The following ASF1A variants were observed in gnomAD, a reference collection of about 807,000 sequenced individuals.
ASF1A encodes the protein histone chaperone ASF1A.
Under a neutral mutation model 22.0 loss-of-function variants are expected in ASF1A, and 5 were observed. The observed-to-expected ratio is 0.23, with a 90% CI of 0.12 to 0.48. The LOEUF (loss-of-function observed/expected upper bound fraction) is 0.48, where lower values mean the gene tolerates loss of function less well. Ranked by LOEUF, ASF1A falls within the 20% of genes least tolerant of loss-of-function variation. ASF1A has a pLI of 0.99. For missense variants in ASF1A, 137 were observed against 240.6 expected (o/e 0.57, Z 2.85); for synonymous variants, 97 against 86.7 (o/e 1.12, Z -0.66).
At chr6:118,895,331 G>A (rs1779318950) in intron 1 of ASF1A, among the ~76,000 whole-genome samples, 1 of 152,168 alleles carries the variant, frequency 6.6e-6, no homozygotes, top group Non-Finnish European at 1.5e-5. Context: ...TTCCCCTAAT[G>A]ACGAAAAGCT....
chr6:118,905,722 G>A lies in ASF1A; in HGVS notation c.296G>A (p.Cys99Tyr). The A allele has an allele frequency of 6.2e-7, 1 of 1,613,682 alleles. No homozygotes were observed. The highest frequency in any genetic ancestry group is 8.5e-7 in the Non-Finnish European group (1 of 1,179,710). Residue 99 changes from cysteine to tyrosine, a missense_variant, in exon 3 of 4, where the codon TGT becomes TAT. By Grantham distance (194) the Cys-to-Tyr change is radical (BLOSUM62 -2). Transcript: ENST00000229595. ...AVGVTVVLITCTYRGQEFIRV... is the reference protein window; with the variant it reads ...AVGVTVVLITYTYRGQEFIRV... ...GGCGTAACTGTTGTGCTAATTACTT[G>A]TACCTATCGAGGACAAGAATTTATT...
intron 2 of ASF1A, among the ~76,000 whole-genome samples, chr6:118,903,188 T>C (rs1171361733): frequency 1.3e-5 from 2 of 152,218 alleles, no homozygotes; most frequent in Non-Finnish European, 2.9e-5. Context: ...AGAGTTCTCA[T>C]AGCAGTACTG....
chr6:118,905,234 TATA>T (rs1349523478), intron 2 of ASF1A, among the ~76,000 whole-genome samples: 1 of 152,224 alleles, frequency 6.6e-6, no homozygotes. Context: ...GGGAAACTGG[TATA>T]ATAAACATTT....
intron 1 of ASF1A, among the ~76,000 whole-genome samples, chr6:118,899,475 CTT>C (rs1779660298): frequency 1.3e-5 from 2 of 152,138 alleles, no homozygotes; most frequent in Non-Finnish European, 2.9e-5. Context: ...TGGCGAGATA[CTT>C]ATATTGCCTA....
At chr6:118,907,048 AAAC>A (rs1383002819) in intron 3 of ASF1A, among the ~76,000 whole-genome samples, 1 of 152,218 alleles carries the variant, frequency 6.6e-6, no homozygotes, top group Non-Finnish European at 1.5e-5. Context: ...ATACCAATCT[AAAC>A]AACATAGTAG....
intron 1 of ASF1A, among the ~76,000 whole-genome samples, chr6:118,900,165 CAG>C (rs140715396): frequency 0.021 from 3,248 of 152,206 alleles, 53 homozygotes; most frequent in Middle Eastern, 0.037. Flanking sequence ...ATGTATGACA[CAG>C]GGGGGTGCCG....
intron 3 of ASF1A, 91 bp downstream of exon 3, chr6:118,905,919 G>T (rs1780148182): frequency 1.0e-6 from 1 of 966,242 alleles, no homozygotes; most frequent in South Asian, 1.9e-5. Flanking sequence ...TATTAAAATG[G>T]CTTTGAGATA....
In ASF1A at chr6:118,907,422, A is replaced by G. The variant is rs574498975; in HGVS notation, c.423A>G (p.Ala141=). The stretch of plus-strand genomic sequence containing the variant: ...TCTAGCTTCAAAGGAATATTTTGGC[A>G]TCTAATCCCAGGGTCACAAGATTCC... ...DFSKLQRNIL[A]SNPRVTRFHI... Residue 141 remains alanine, a synonymous_variant, in exon 4 of 4, where the codon GCA becomes GCG. Transcript: ENST00000229595. 4.9e-5 allele frequency: 79 copies of G among 1,604,204 alleles called. 1 individual carries two copies. The Admixed American group carries it at 1.0e-3, about 21-fold the overall frequency.
chr6:118,899,427 G>A (rs1473639335), intron 1 of ASF1A, among the ~76,000 whole-genome samples: 1 of 152,010 alleles, frequency 6.6e-6, no homozygotes, highest in Non-Finnish European at 1.5e-5. Context: ...CTTGCCAAGT[G>A]TGCCCTACCC....
intron 1 of ASF1A, among the ~76,000 whole-genome samples, chr6:118,899,376 CTTCCTTTCATTCTG>C (rs1475112825): frequency 3.3e-5 from 5 of 152,188 alleles, no homozygotes; most frequent in Non-Finnish European, 7.3e-5. Flanking sequence ...TGCTTTCCTC[CTTCCTTTCATTCTG>C]CTCCAGCCCT....
intron 1 of ASF1A, among the ~76,000 whole-genome samples, chr6:118,900,155 AT>A (rs1414665580): frequency 7.2e-5 from 11 of 152,036 alleles, no homozygotes; most frequent in African/African-American, 2.4e-4. Context: ...AATTTAAAGA[AT>A]GTATGACACA....
chr6:118,903,203 A>G (rs1417042317), intron 2 of ASF1A, among the ~76,000 whole-genome samples: 1 of 152,198 alleles, frequency 6.6e-6, no homozygotes, highest in African/African-American at 2.4e-5. Flanking sequence ...GTACTGAACT[A>G]TTATATATTT....
intron 1 of ASF1A, among the ~76,000 whole-genome samples, chr6:118,899,434 A>G (rs906101804): frequency 6.6e-6 from 1 of 151,624 alleles, no homozygotes; most frequent in Non-Finnish European, 1.5e-5. Context: ...AGTGTGCCCT[A>G]CCCCTGGGCC....
intron 3 of ASF1A, 143 bp downstream of exon 3, chr6:118,905,971 A>G (rs1352627136): frequency 1.0e-5 from 6 of 579,204 alleles, no homozygotes; most frequent in Non-Finnish European, 1.7e-5. Context: ...CAAACTAATT[A>G]TTGTTCCATT....
chr6:118,906,245 G>A (rs574259422), intron 3 of ASF1A, among the ~76,000 whole-genome samples: 2 of 152,078 alleles, frequency 1.3e-5, no homozygotes, highest in South Asian at 4.2e-4. Flanking sequence ...GATAATTTTT[G>A]TATTTTTAGT....
At chr6:118,903,713 G>A (rs1779969215) in intron 2 of ASF1A, among the ~76,000 whole-genome samples, 1 of 152,154 alleles carries the variant, frequency 6.6e-6, no homozygotes, top group Non-Finnish European at 1.5e-5. Context: ...CAGGCCAAGG[G>A]AACAGTATGT....
chr6:118,899,701 C>T (rs1290113387), intron 1 of ASF1A, among the ~76,000 whole-genome samples: 1 of 152,160 alleles, frequency 6.6e-6, no homozygotes, highest in African/African-American at 2.4e-5. Flanking sequence ...TATAAATAAG[C>T]AGTACGTTAC....
chr6:118,895,262 C>A (rs1190923047), intron 1 of ASF1A, among the ~76,000 whole-genome samples: 2 of 152,006 alleles, frequency 1.3e-5, no homozygotes, highest in African/African-American at 2.4e-5. Flanking sequence ...CCTCCTCGGC[C>A]GGCGCCCGGG....
At chr6:118,897,986 C>T (rs1298500068) in intron 1 of ASF1A, among the ~76,000 whole-genome samples, 2 of 152,230 alleles carry the variant, frequency 1.3e-5, no homozygotes, top group East Asian at 3.8e-4. Flanking sequence ...CTCTCTCCAT[C>T]TCCTCTGCTC....
Sources: gnomAD v4.1 joint callset for allele counts (sites outside exome capture counted in the v4.1 genomes callset) on GRCh38, gnomAD v4.1.1 for gene constraint, MANE v1.5 for transcripts, NCBI Gene and HGNC (gene_info 2026-07-23, HGNC 2026-07-21) for gene names.